Variants in EPC2 observed in about 807,000 individuals in gnomAD.
EPC2 encodes enhancer of polycomb homolog 2.
Under a neutral mutation model 92.1 loss-of-function variants are expected in EPC2, and 14 were observed. The ratio of observed to expected loss-of-function variants is 0.15; its 90% CI spans 0.10 to 0.24. The LOEUF (loss-of-function observed/expected upper bound fraction) is 0.24, where lower values mean the gene tolerates loss of function less well. Among genes scored for constraint, EPC2 ranks in the 10% least tolerant of loss-of-function variants. EPC2 has a pLI of 1.00. For missense variants in EPC2, 755 were observed against 971.5 expected (o/e 0.78, Z 2.96); for synonymous variants, 340 against 334.7 (o/e 1.02, Z -0.17).
chr2:148,703,885 A>G (rs142555201), intron 2 of EPC2, among the ~76,000 whole-genome samples: 1 of 152,314 alleles, frequency 6.6e-6, no homozygotes, highest in African/African-American at 2.4e-5. Flanking sequence ...TAGAATGGCT[A>G]CTATCAAAAA....
chr2:148,703,660 C>T (rs1042973558), intron 2 of EPC2, among the ~76,000 whole-genome samples: 1 of 152,086 alleles, frequency 6.6e-6, no homozygotes, highest in African/African-American at 2.4e-5. Context: ...TCCTGAGTAG[C>T]TGGGACTACA....
chr2:148,758,136 A>C (rs1277333921), intron 4 of EPC2, among the ~76,000 whole-genome samples: 6 of 124,934 alleles, frequency 4.8e-5, no homozygotes, highest in Non-Finnish European at 6.4e-5. Flanking sequence ...TACCCCATAG[A>C]GTAACCCATG....
intron 2 of EPC2, among the ~76,000 whole-genome samples, chr2:148,731,358 T>TA (rs1300264059): frequency 3.9e-5 from 6 of 152,222 alleles, no homozygotes; most frequent in African/African-American, 1.4e-4. Context: ...AGTTGCCTGC[T>TA]ATCAAGAGGT....
At position 148,787,456 on chromosome 2, in the gene EPC2, C is replaced by T. The variant is rs1683893507; in HGVS notation, c.*1079C>T. On this transcript the variant is annotated 3_prime_UTR_variant, in exon 14 of 14. Transcript: ENST00000258484. ...TTATACGGTTCTTGTAAATTAGATA[C>T]GTGTAGTGGTGTTTCAGAATGTTTG... 6.6e-6 allele frequency: 1 copy of T among 152,518 alleles called. No homozygotes were observed. Among genetic ancestry groups the T allele is most frequent in the Non-Finnish European group, 1.5e-5 (1 of 68,016 alleles). 9.4% of individuals were successfully genotyped at this position (152,518 alleles called of 1,614,324 possible).
intron 1 of EPC2, among the ~76,000 whole-genome samples, chr2:148,676,916 G>A (rs6743059): frequency 0.67 from 100,837 of 150,474 alleles, 35,340 homozygotes; most frequent in Non-Finnish European, 0.79. Flanking sequence ...TGGGTCAAAG[G>A]GATACCTTTT....
chr2:148,779,756 A>G (rs570589143), intron 10 of EPC2, among the ~76,000 whole-genome samples: 1 of 152,320 alleles, frequency 6.6e-6, no homozygotes, highest in South Asian at 2.1e-4. Flanking sequence ...TTCCTCACTT[A>G]ATGTTAATCA....
At chr2:148,760,331 A>G (rs1455392937) in intron 4 of EPC2, among the ~76,000 whole-genome samples, 1 of 152,204 alleles carries the variant, frequency 6.6e-6, no homozygotes, top group East Asian at 1.9e-4. Flanking sequence ...CAAGAGGAAC[A>G]CTTACTGAAC....
chr2:148,739,030 T>G lies in EPC2; in HGVS notation c.314-4592T>G, dbSNP rs1682823312. Among the ~76,000 whole-genome samples the G allele has an allele frequency of 3.9e-5, 6 of 152,186 alleles. No individual in the cohort carries two copies. In the South Asian group the frequency reaches 1.2e-3, roughly 32 times the overall value. ...CCACTATGAAGGAAGGAAGAACCAC[T>G]GGAGAACATGTACCCAGAAGCTGTT... On this transcript the variant is annotated intron_variant, in intron 2 of 13. Coordinates refer to ENST00000258484, the MANE Select transcript of EPC2 (RefSeq NM_015630.4).
intron 2 of EPC2, among the ~76,000 whole-genome samples, chr2:148,731,934 G>A (rs184839935): frequency 6.6e-6 from 1 of 152,280 alleles, no homozygotes; most frequent in East Asian, 1.9e-4. Context: ...GCTTCTGTGT[G>A]GTATAGTGGG....
At chr2:148,701,888 C>G (rs1206362614) in intron 2 of EPC2, among the ~76,000 whole-genome samples, 1 of 152,042 alleles carries the variant, frequency 6.6e-6, no homozygotes, top group African/African-American at 2.4e-5. Context: ...TTTGATTTGA[C>G]TCTACTTATT....
chr2:148,679,759 A>G (rs894343935), intron 1 of EPC2, among the ~76,000 whole-genome samples: 10 of 151,948 alleles, frequency 6.6e-5, no homozygotes, highest in Admixed American at 1.3e-4. Context: ...GATCCTCCTG[A>G]CTCAGCCTCC....
Position 148,770,832 on chromosome 2 carries a change from A to T in EPC2, c.1271A>T (p.Glu424Val). The T allele has an allele frequency of 1.2e-6, 2 of 1,613,686 alleles. No homozygotes were observed. Among genetic ancestry groups the T allele is most frequent in the East Asian group, 4.5e-5 (2 of 44,866 alleles). ...DQANHSCENS[E>V]LADLDKLRYR... ...GCTAACCATTCATGTGAAAATTCAG[A>T]ATTGGCAGATTTGGATAAGTTGAGG... Residue 424 changes from glutamate to valine, a missense_variant, in exon 9 of 14, where the codon GAA becomes GTA. Glu to Val is a moderately radical substitution (Grantham distance 121). Transcript: ENST00000258484.
chr2:148,705,066 C>CACT (rs1681965567), intron 2 of EPC2, among the ~76,000 whole-genome samples: 1 of 152,048 alleles, frequency 6.6e-6, no homozygotes, highest in Non-Finnish European at 1.5e-5. Context: ...AAATCCCAGA[C>CACT]ACTATTTCAC....
chr2:148,687,108 A>G (rs1681543517), intron 1 of EPC2, among the ~76,000 whole-genome samples: 1 of 152,198 alleles, frequency 6.6e-6, no homozygotes, highest in Non-Finnish European at 1.5e-5. Flanking sequence ...CTTCTAGATG[A>G]CTTGTGATGT....
intron 5 of EPC2, 104 bp from the exon 6 acceptor site, chr2:148,762,566 C>A (rs1312906787): frequency 6.8e-5 from 50 of 732,496 alleles, no homozygotes; most frequent in East Asian, 6.4e-4. Flanking sequence ...TGATTGTTAG[C>A]CCTTTTTGAC....
At chr2:148,688,867 TA>T (rs1485579916) in intron 1 of EPC2, among the ~76,000 whole-genome samples, 6 of 152,272 alleles carry the variant, frequency 3.9e-5, no homozygotes, top group African/African-American at 9.6e-5. Flanking sequence ...TACTTTATGC[TA>T]GGGGGAGAGG....
At chr2:148,753,497 G>A (rs116510192) in intron 3 of EPC2, among the ~76,000 whole-genome samples, 1,781 of 152,156 alleles carry the variant, frequency 0.012, 37 homozygotes, top group African/African-American at 0.041. Context: ...TTTTATTTTG[G>A]ACGCACATAA....
chr2:148,727,855 A>G (rs1448657846), intron 2 of EPC2, among the ~76,000 whole-genome samples: 1 of 152,166 alleles, frequency 6.6e-6, no homozygotes, highest in African/African-American at 2.4e-5. Context: ...AATGATTTCA[A>G]AAGAAAAGTG....
intron 1 of EPC2, among the ~76,000 whole-genome samples, chr2:148,677,777 G>A (rs1422291227): frequency 6.6e-6 from 1 of 151,922 alleles, no homozygotes; most frequent in African/African-American, 2.4e-5. Context: ...GCAGACCTTT[G>A]CAGTGAGTGT....
Sources: gnomAD v4.1 joint callset for allele counts (sites outside exome capture counted in the v4.1 genomes callset) on GRCh38, gnomAD v4.1.1 for gene constraint, MANE v1.5 for transcripts, NCBI Gene and HGNC (gene_info 2026-07-23, HGNC 2026-07-21) for gene names.